Variants in LARP4 observed in about 807,000 individuals in gnomAD.
The protein encoded by LARP4 is La ribonucleoprotein 4.
Under a neutral mutation model 92.9 loss-of-function variants are expected in LARP4, and 29 were observed. The observed-to-expected ratio is 0.31, with a 90% CI of 0.23 to 0.43. LARP4 has a LOEUF of 0.43. LARP4 is among the 20% of genes least tolerant of loss of function. The pLI, the probability that LARP4 is intolerant of heterozygous loss-of-function variation, is 1.00. For synonymous variants in LARP4, 279 were observed against 284.1 expected, an observed-to-expected ratio of 0.98 and a Z score of 0.18; for missense variants, 732 against 860.0, an observed-to-expected ratio of 0.85 and a Z score of 1.86.
At chr12:50,407,130 ATTC>A (rs1444099620) in intron 1 of LARP4, among the ~76,000 whole-genome samples, 3 of 151,928 alleles carry the variant, frequency 2.0e-5, no homozygotes, top group Non-Finnish European at 4.4e-5. Flanking sequence ...GGTTCAAGCG[ATTC>A]TTCTGCCTCA....
At chr12:50,421,192 G>A in intron 1 of LARP4, 1 of 574,688 alleles carries the variant, frequency 1.7e-6, no homozygotes, top group Non-Finnish European at 2.2e-6. Flanking sequence ...CTCATGATCT[G>A]CCCGCCTTGG....
intron 10 of LARP4, among the ~76,000 whole-genome samples, chr12:50,460,827 C>G (rs1250974974): frequency 6.6e-6 from 1 of 152,118 alleles, no homozygotes; most frequent in African/African-American, 2.4e-5. Context: ...CCTGTAGTCC[C>G]AGCTACTTGG....
Position 50,453,813 on chromosome 12 carries a change from C to A in LARP4, c.1017+141C>A, listed in dbSNP as rs10128902. On this transcript the variant is annotated intron_variant, in intron 9 of 15. Coordinates refer to ENST00000398473, the MANE Select transcript of LARP4 (RefSeq NM_052879.5). ...ATTTTATTTTATTTTTTGTATTTTT[C>A]GTAGAGATGGAATTTTGCCATGTTG... 4.4e-4 allele frequency: 258 copies of A among 592,922 alleles called. No homozygotes were observed. The African/African-American group carries it at 4.7e-3, about 11-fold the overall frequency. 36.7% of individuals were successfully genotyped at this position (592,922 alleles called of 1,614,324 possible). A position where few individuals can be genotyped will look rare whatever the true frequency, so the allele number is the denominator to read the frequency against.
chr12:50,427,977 A>C, intron 2 of LARP4, 68 bp downstream of exon 2: 1 of 975,156 alleles, frequency 1.0e-6, no homozygotes, highest in Admixed American at 2.5e-5. Context: ...AAGTTTACTG[A>C]ACTTGAGACA....
Position 50,453,652 on chromosome 12 carries a change from C to G in LARP4, c.997C>G (p.Pro333Ala). The change falls in exon 9 of 16, where the codon CCT becomes GCT. Residue 333 changes from proline to alanine, a missense_variant. Transcript: ENST00000398473. ...VPQSWSPNPTPYFETPLAPFP... is the reference protein window; with the variant it reads ...VPQSWSPNPTAYFETPLAPFP... The stretch of plus-strand genomic sequence containing the variant: ...TCAGTCTTGGTCTCCAAATCCTACA[C>G]CTTACTTTGAAACACCACTGGTAAG... 1.2e-6 allele frequency: 2 copies of G among 1,603,912 alleles called. No individual in the cohort carries two copies. Among genetic ancestry groups the G allele is most frequent in the Non-Finnish European group, 1.7e-6 (2 of 1,172,244 alleles).
intron 4 of LARP4, 70 bp downstream of exon 4, chr12:50,430,640 T>C: frequency 1.1e-6 from 1 of 876,012 alleles, no homozygotes; most frequent in South Asian, 1.7e-5. Context: ...AGCGCAAGGA[T>C]GGTGATTATT....
rs1410239744 is a variant in LARP4 at position 50,461,163 on chromosome 12, G to A, written c.1150G>A (p.Gly384Ser). 1.9e-6 allele frequency: 3 copies of A among 1,613,888 alleles called. No homozygotes were observed. Among genetic ancestry groups the A allele is most frequent in the East Asian group, 4.5e-5 (2 of 44,886 alleles). Residue 384 changes from glycine to serine, a missense_variant, in exon 11 of 16, where the codon GGT (glycine) becomes AGT (serine). Transcript: ENST00000398473. ...GAAGCCTCAGTTTAGGTCATCTGGTGGTTCAGAACACTCAACAGAGGGCTC... is the reference window on the plus strand; with the variant it reads ...GAAGCCTCAGTTTAGGTCATCTGGTAGTTCAGAACACTCAACAGAGGGCTC... ...RVKPQFRSSG[G>S]SEHSTEGSVS... is the part of the protein sequence containing the mutation.
At chr12:50,402,077 A>G (rs1049389377) in intron 1 of LARP4, among the ~76,000 whole-genome samples, 8 of 152,118 alleles carry the variant, frequency 5.3e-5, no homozygotes, top group African/African-American at 1.9e-4. Flanking sequence ...GAAGGAATTT[A>G]CGGGTTGTAT....
intron 1 of LARP4, among the ~76,000 whole-genome samples, chr12:50,405,266 T>G (rs934929262): frequency 1.3e-5 from 2 of 152,128 alleles, no homozygotes; most frequent in Admixed American, 6.6e-5. Flanking sequence ...AGGTAAAAGT[T>G]TGGATGATTC....
intron 1 of LARP4, among the ~76,000 whole-genome samples, chr12:50,415,134 T>G (rs190783055): frequency 1.3e-5 from 2 of 151,952 alleles, no homozygotes; most frequent in African/African-American, 4.8e-5. Flanking sequence ...ATCCCAGAGG[T>G]GGAGGTTGCA....
chr12:50,433,880 T>G (rs1950046988), intron 4 of LARP4, among the ~76,000 whole-genome samples: 1 of 152,154 alleles, frequency 6.6e-6, no homozygotes, highest in Admixed American at 6.6e-5. Context: ...TATCAGGTGA[T>G]CCACCCACCT....
At chr12:50,447,814 G>A (rs1952457003) in intron 8 of LARP4, among the ~76,000 whole-genome samples, 1 of 152,042 alleles carries the variant, frequency 6.6e-6, no homozygotes, top group Non-Finnish European at 1.5e-5. Context: ...CTCCCAAAGT[G>A]TTGTGATTAC....
At chr12:50,459,847 G>T (rs893800967) in intron 10 of LARP4, among the ~76,000 whole-genome samples, 1 of 146,580 alleles carries the variant, frequency 6.8e-6, no homozygotes, top group East Asian at 2.0e-4. Context: ...AAAAAAAAAA[G>T]GGTGTTATAG....
intron 13 of LARP4, among the ~76,000 whole-genome samples, chr12:50,470,065 A>C (rs1007989285): frequency 2.0e-5 from 3 of 147,884 alleles, no homozygotes; most frequent in African/African-American, 7.4e-5. Flanking sequence ...ACATAAAGTA[A>C]AAAAAAAAAA....
At chr12:50,459,114 T>C (rs1221126971) in intron 10 of LARP4, among the ~76,000 whole-genome samples, 1 of 152,204 alleles carries the variant, frequency 6.6e-6, no homozygotes, top group African/African-American at 2.4e-5. Context: ...TTCTCCTGCC[T>C]CAGCCTCCTG....
At chr12:50,471,611 C>T in intron 13 of LARP4, among the ~76,000 whole-genome samples, 1 of 152,162 alleles carries the variant, frequency 6.6e-6, no homozygotes, top group Non-Finnish European at 1.5e-5. Flanking sequence ...GCAACCTCCA[C>T]TGCCAGGGTT....
At chr12:50,424,326 C>T (rs973995787) in intron 1 of LARP4, among the ~76,000 whole-genome samples, 18 of 150,912 alleles carry the variant, frequency 1.2e-4, no homozygotes, top group African/African-American at 3.4e-4. Context: ...GCTATGGGCA[C>T]GCCACTGCAC....
chr12:50,428,813 C>A, intron 2 of LARP4, 122 bp from the exon 3 acceptor site: 1 of 672,504 alleles, frequency 1.5e-6, no homozygotes. Flanking sequence ...TAAAACCATG[C>A]GGACATATTT....
intron 8 of LARP4, among the ~76,000 whole-genome samples, chr12:50,444,464 G>A (rs181476954): frequency 1.3e-5 from 2 of 152,164 alleles, no homozygotes; most frequent in East Asian, 3.9e-4. Flanking sequence ...TAAGTTGCAA[G>A]AAAATTCACA....
Sources: allele counts gnomAD v4.1 joint callset (sites outside exome capture counted in the v4.1 genomes callset), GRCh38; gene constraint gnomAD v4.1.1; transcripts MANE v1.5; gene names NCBI Gene and HGNC (gene_info 2026-07-23, HGNC 2026-07-21).